GSG1L: variants seen among roughly 807,000 people sequenced by gnomAD.
The protein encoded by GSG1L is germ cell-specific gene 1-like protein.
A neutral mutation model predicts 42.1 loss-of-function variants in GSG1L; 24 were observed. The observed-to-expected ratio is 0.57, with a 90% CI of 0.41 to 0.80. The LOEUF (loss-of-function observed/expected upper bound fraction) is 0.80, where lower values mean the gene tolerates loss of function less well. Among genes scored for constraint, GSG1L ranks in the 30% least tolerant of loss-of-function variants. The pLI, the probability that GSG1L is intolerant of heterozygous loss-of-function variation, is 0.00. For missense variants in GSG1L, 445 were observed against 472.2 expected (o/e 0.94, Z 0.53); for synonymous variants, 215 against 203.5 (o/e 1.06, Z -0.48).
At chr16:27,955,072 T>TCAC (rs2084989593) in intron 2 of GSG1L, among the ~76,000 whole-genome samples, 1 of 152,126 alleles carries the variant, frequency 6.6e-6, no homozygotes, top group Admixed American at 6.6e-5. Context: ...AGTTCGCACC[T>TCAC]CACTGTTAAA....
intron 2 of GSG1L, among the ~76,000 whole-genome samples, chr16:27,912,993 G>GTGT: frequency 6.8e-6 from 1 of 147,186 alleles, no homozygotes; most frequent in Non-Finnish European, 1.5e-5. Context: ...GTGTGTGTGT[G>GTGT]TTTTTTTTTA....
At chr16:27,869,741 A>ATT (rs1567496305) in intron 3 of GSG1L, among the ~76,000 whole-genome samples, 28 of 53,426 alleles carry the variant, frequency 5.2e-4, no homozygotes, top group South Asian at 1.2e-3. Context: ...GTCTCCCTCC[A>ATT]TCTCTCTCTC....
chr16:28,053,209 G>A (rs1015868138), intron 1 of GSG1L, among the ~76,000 whole-genome samples: 1 of 152,236 alleles, frequency 6.6e-6, no homozygotes, highest in Non-Finnish European at 1.5e-5. Context: ...AGGGGACAGA[G>A]GCAATCAAGT....
chr16:27,789,945 T>A lies in GSG1L; in HGVS notation c.*1425A>T, dbSNP rs2082734213. 1 of 142,106 alleles carries A rather than the reference T, an allele frequency of 7.0e-6. No homozygotes were observed. Among genetic ancestry groups the A allele is most frequent in the East Asian group, 2.2e-4 (1 of 4,616 alleles). 8.8% of individuals were successfully genotyped at this position (142,106 alleles called of 1,614,324 possible). On this transcript the variant is annotated 3_prime_UTR_variant, in exon 7 of 7. Transcript: ENST00000447459. ...GGATTAATGATGATGGAGGGATGAA[T>A]GAAAAATGGATGAATGGACAATGGA... is the stretch of plus-strand genomic sequence containing the variant.
intron 3 of GSG1L, among the ~76,000 whole-genome samples, chr16:27,862,221 C>T (rs2083662743): frequency 6.6e-6 from 1 of 152,156 alleles, no homozygotes. Flanking sequence ...GCCTGTCCCT[C>T]TTGATGACTT....
Position 28,059,108 on chromosome 16 carries a change from C to T in GSG1L, c.349+3968G>A, listed in dbSNP as rs1456042593. Among the ~76,000 whole-genome samples, 2 of 152,194 alleles carry T rather than the reference C, an allele frequency of 1.3e-5. No individual in the cohort carries two copies. Among genetic ancestry groups the T allele is most frequent in the African/African-American group, 2.4e-5 (1 of 41,444 alleles). On this transcript the variant is annotated intron_variant, in intron 1 of 6. Coordinates refer to ENST00000447459, the MANE Select transcript of GSG1L (RefSeq NM_001109763.2). This position sits in a 1 kb window ranked among gnomAD's most constrained non-coding sequence, Gnocchi z 4.4. ...GTGGTGCTCCCCACTCCCTGCCCTACGTCACCAAATCCTTGCATCTCCGGC... is the reference window on the plus strand; with the variant it reads ...GTGGTGCTCCCCACTCCCTGCCCTATGTCACCAAATCCTTGCATCTCCGGC...
chr16:27,969,627 AGAT>A, intron 1 of GSG1L, among the ~76,000 whole-genome samples: 1 of 152,360 alleles, frequency 6.6e-6, no homozygotes, highest in South Asian at 2.1e-4. Context: ...ATCAGATAAT[AGAT>A]ACTTGAATTT....
intron 3 of GSG1L, among the ~76,000 whole-genome samples, chr16:27,860,878 A>T (rs1247273114): frequency 6.6e-6 from 1 of 151,854 alleles, no homozygotes; most frequent in Admixed American, 6.5e-5. Flanking sequence ...CTCTGTAAAT[A>T]CTTGTTGAAG....
chr16:27,890,375 G>A (rs909068598), intron 2 of GSG1L, among the ~76,000 whole-genome samples: 1 of 152,168 alleles, frequency 6.6e-6, no homozygotes, highest in Non-Finnish European at 1.5e-5. Context: ...TGAGTTCAGG[G>A]GCAGGTGAGG....
In GSG1L at chr16:27,791,417, C is replaced by A. The variant is rs751840954; in HGVS notation, c.949G>T (p.Ala317Ser). Residue 317 changes from alanine to serine, a missense_variant, in exon 7 of 7, where the codon GCA becomes TCA. Ala to Ser is a moderately conservative substitution (Grantham distance 99). Transcript: ENST00000447459. ...DSWPRSSAQE[A>S]PELNRQCWVL... ...CAGCACTGTCGGTTCAGCTCTGGTG[C>A]TTCCTGTGCGGAGCTCCGGGGCCAG... is the stretch of plus-strand genomic sequence containing the variant. The A allele has an allele frequency of 6.5e-6, 10 of 1,530,584 alleles. No individual in the cohort carries two copies. The highest frequency in any genetic ancestry group is 2.2e-4 in the Middle Eastern group (1 of 4,590). 94.8% of individuals were successfully genotyped at this position (1,530,584 alleles called of 1,614,324 possible).
chr16:28,051,725 G>A (rs533955692), intron 1 of GSG1L, among the ~76,000 whole-genome samples: 1 of 152,308 alleles, frequency 6.6e-6, no homozygotes, highest in East Asian at 1.9e-4. Flanking sequence ...GGACAGTGGG[G>A]CTGCAGCATA....
chr16:27,886,895 T>G (rs12444493), intron 2 of GSG1L, among the ~76,000 whole-genome samples: 1 of 152,040 alleles, frequency 6.6e-6, no homozygotes, highest in African/African-American at 2.4e-5. Flanking sequence ...TCAGGACTTT[T>G]GCAGGAACTA....
intron 1 of GSG1L, among the ~76,000 whole-genome samples, chr16:28,045,143 A>C (rs988636200): frequency 6.6e-6 from 1 of 152,200 alleles, no homozygotes; most frequent in Admixed American, 6.5e-5. Context: ...TGGTGGGTCC[A>C]TGTCATTACA....
chr16:27,843,313 T>A (rs1171832971), intron 4 of GSG1L, among the ~76,000 whole-genome samples: 2 of 152,030 alleles, frequency 1.3e-5, no homozygotes, highest in Non-Finnish European at 2.9e-5. Flanking sequence ...GTGGCTCAGG[T>A]CATTCCAGTC....
intron 2 of GSG1L, among the ~76,000 whole-genome samples, chr16:27,937,306 C>T (rs373917172): frequency 2.7e-5 from 4 of 150,716 alleles, no homozygotes; most frequent in East Asian, 3.9e-4. Flanking sequence ...GGTGTGATCT[C>T]GGCTCACTGC....
chr16:27,804,040 T>C (rs2082924733), intron 6 of GSG1L, among the ~76,000 whole-genome samples: 2 of 85,692 alleles, frequency 2.3e-5, no homozygotes, highest in Admixed American at 1.0e-4. Flanking sequence ...ATTAGATGGA[T>C]AGATAGATAG....
At chr16:27,935,090 A>G (rs1404623805) in intron 2 of GSG1L, among the ~76,000 whole-genome samples, 2 of 152,216 alleles carry the variant, frequency 1.3e-5, no homozygotes, top group Admixed American at 6.5e-5. Context: ...TTTATTTTAG[A>G]CAGCACGGTC....
chr16:27,910,517 A>G (rs1223617825), intron 2 of GSG1L, among the ~76,000 whole-genome samples: 1 of 152,244 alleles, frequency 6.6e-6, no homozygotes, highest in East Asian at 1.9e-4. Context: ...TCACACAACT[A>G]GAAAATGGCA....
At chr16:27,899,020 C>T (rs1052322815) in intron 2 of GSG1L, among the ~76,000 whole-genome samples, 9 of 152,286 alleles carry the variant, frequency 5.9e-5, no homozygotes, top group East Asian at 3.9e-4. Context: ...GCTCAGCGTG[C>T]AGGCAGTGAG....
Sources: gnomAD v4.1 joint callset for allele counts (sites outside exome capture counted in the v4.1 genomes callset) on GRCh38, gnomAD v4.1.1 for gene constraint, Gnocchi (gnomAD v3.1) non-coding constraint, MANE v1.5 for transcripts, NCBI Gene and HGNC (gene_info 2026-07-23, HGNC 2026-07-21) for gene names.